Variants in YBX1 observed in about 807,000 individuals in gnomAD.
YBX1 encodes Y-box binding protein 1, also known as Y-box-binding protein 1.
YBX1 carries 3 observed loss-of-function variants against 41.4 expected under a neutral mutation model. The observed-to-expected ratio is 0.07, with a 90% CI of 0.03 to 0.19. YBX1 has a LOEUF of 0.19. Ranked by LOEUF, YBX1 falls within the 10% of genes least tolerant of loss-of-function variation. The pLI is 1.00. For synonymous variants in YBX1, 133 were observed against 165.8 expected (o/e 0.80, Z 1.52); for missense variants, 274 against 462.8 (o/e 0.59, Z 3.74).
At chr1:42,691,358 G>T (rs1650322740) in intron 2 of YBX1, among the ~76,000 whole-genome samples, 1 of 152,178 alleles carries the variant, frequency 6.6e-6, no homozygotes, top group African/African-American at 2.4e-5. Context: ...TGGCAGCCTT[G>T]TGCTTTCTCT....
intron 2 of YBX1, among the ~76,000 whole-genome samples, chr1:42,684,721 A>G (rs543840438): frequency 1.9e-4 from 29 of 152,294 alleles, no homozygotes; most frequent in African/African-American, 6.0e-4. Context: ...TACGTTTTTC[A>G]TTAATTTTTT....
intron 3 of YBX1, 87 bp downstream of exon 3, chr1:42,693,610 A>G: frequency 6.8e-7 from 1 of 1,467,194 alleles, no homozygotes; most frequent in Non-Finnish European, 9.4e-7. Context: ...TGTTCCTTAT[A>G]AAAGGTTAAG....
intron 2 of YBX1, among the ~76,000 whole-genome samples, chr1:42,691,844 AT>A (rs763665048): frequency 3.3e-5 from 5 of 151,960 alleles, no homozygotes; most frequent in Non-Finnish European, 5.9e-5. Context: ...AGTGCTCCCT[AT>A]CTTTGGAAAA....
intron 6 of YBX1, 137 bp downstream of exon 6, chr1:42,697,399 A>C (rs1365877981): frequency 1.3e-6 from 1 of 794,982 alleles, no homozygotes; most frequent in African/African-American, 1.8e-5. Context: ...TAAGAGGTGA[A>C]CCTATTAAAA....
rs558721192 is a variant in YBX1 at position 42,682,873 on chromosome 1, C to G, written c.166+142C>G. ...CGGCCGCCCATCCCCCCCGTCCCCC[C>G]CTCACTCCCTCTCGCGGGGACCCGC... On this transcript the variant is annotated intron_variant, in intron 1 of 7. Transcript: ENST00000321358. 220 of 347,900 alleles carry G rather than the reference C, an allele frequency of 6.3e-4. 1 individual carries two copies. Among genetic ancestry groups the G allele is most frequent in the African/African-American group, 4.5e-3 (204 of 45,454 alleles). The allele number at this position is 347,900 out of a possible 1,614,324, so 21.6% of individuals were successfully genotyped here. A position where few individuals can be genotyped will look rare whatever the true frequency, so the allele number is the denominator to read the frequency against.
At chr1:42,683,084 G>T (rs780533109) in intron 1 of YBX1, 1 of 525,278 alleles carries the variant, frequency 1.9e-6, no homozygotes, top group Non-Finnish European at 3.6e-6. Context: ...CCTTCCGCGT[G>T]TGCTCGGAGG....
Position 42,682,461 on chromosome 1 carries a change from C to T in YBX1, c.-105C>T, listed in dbSNP as rs536813619. 313 of 1,254,870 alleles carry T rather than the reference C, an allele frequency of 2.5e-4. No individual in the cohort carries two copies. Among genetic ancestry groups the T allele is most frequent in the East Asian group, 1.5e-3 (45 of 30,478 alleles). The allele number at this position is 1,254,870 out of a possible 1,614,324, so 77.7% of individuals were successfully genotyped here. A position where few individuals can be genotyped will look rare whatever the true frequency, so the allele number is the denominator to read the frequency against. ...GGTAGCGGGAGCGGAGAGCGGACCC[C>T]AGAGAGCCCTGAGCAGCCCCACCGC... is the stretch of plus-strand genomic sequence containing the variant. On this transcript the variant is annotated 5_prime_UTR_variant, in exon 1 of 8. Coordinates refer to ENST00000321358, the MANE Select transcript of YBX1 (RefSeq NM_004559.5).
Position 42,682,524 on chromosome 1 carries a change from C to T in YBX1, c.-42C>T. On this transcript the variant is annotated 5_prime_UTR_variant, in exon 1 of 8. Coordinates refer to ENST00000321358, the MANE Select transcript of YBX1 (RefSeq NM_004559.5). ...AGTTACCATCACACCCCGGGAGGAG[C>T]CGCAGCTGCCGCAGCCGGCCCCAGT... The T allele has an allele frequency of 2.1e-6, 3 of 1,428,112 alleles. No individual in the cohort carries two copies. Among genetic ancestry groups the T allele is most frequent in the Non-Finnish European group, 2.7e-6 (3 of 1,094,990 alleles). 88.5% of individuals were successfully genotyped at this position (1,428,112 alleles called of 1,614,324 possible).
At position 42,682,421 on chromosome 1, in the gene YBX1, C is replaced by G. The variant is rs1473106039; in HGVS notation, c.-145C>G. 2 of 1,064,096 alleles carry G rather than the reference C, an allele frequency of 1.9e-6. No individual in the cohort carries two copies. The highest frequency in any genetic ancestry group is 4.9e-5 in the South Asian group (2 of 40,838). The allele number at this position is 1,064,096 out of a possible 1,614,324, so 65.9% of individuals were successfully genotyped here. The stretch of plus-strand genomic sequence containing the variant: ...GGCTTATCCCGCCTGTCCCGCCATT[C>G]TCGCTAGTTCGATCGGTAGCGGGAG... On this transcript the variant is annotated 5_prime_UTR_variant, in exon 1 of 8. Coordinates refer to ENST00000321358, the MANE Select transcript of YBX1 (RefSeq NM_004559.5).
At chr1:42,699,544 T>C (rs1021005702) in intron 6 of YBX1, among the ~76,000 whole-genome samples, 5 of 151,874 alleles carry the variant, frequency 3.3e-5, no homozygotes, top group African/African-American at 1.2e-4. Flanking sequence ...GACACTGGGG[T>C]AGGGATTGGT....
In YBX1 at chr1:42,696,510, C is replaced by CT. The variant is rs1650461100; in HGVS notation, c.355-132_355-131insT. 5.4e-6 allele frequency: 4 copies of CT among 741,350 alleles called. No individual in the cohort carries two copies. The highest frequency in any genetic ancestry group is 4.4e-5 in the African/African-American group (2 of 45,338). The allele number at this position is 741,350 out of a possible 1,614,324, so 45.9% of individuals were successfully genotyped here. ...CTGTGCACCCCTGGTCACGCAGTTG[C>CT]GCCCCCCCCCCCTTTTTTTTCCTTA... On this transcript the variant is annotated intron_variant, in intron 4 of 7. Coordinates refer to ENST00000321358, the MANE Select transcript of YBX1 (RefSeq NM_004559.5). This position sits in a 1 kb window ranked among gnomAD's most constrained non-coding sequence, Gnocchi z 5.7.
Position 42,682,725 on chromosome 1 carries a change from G to A in YBX1, c.160G>A (p.Val54Ile), listed in dbSNP as rs866379495. Residue 54 changes from valine (V) to isoleucine (I), a missense_variant, in exon 1 of 8, where the codon GTC becomes ATC. Val to Ile is a conservative substitution (Grantham distance 29, BLOSUM62 3). Transcript: ENST00000321358. ...GGCGCCTGCCGGCGGGGACAAGAAGGTCATCGGTGAGGACCGGACAGGGAC... is the reference window on the plus strand; with the variant it reads ...GGCGCCTGCCGGCGGGGACAAGAAGATCATCGGTGAGGACCGGACAGGGAC... ...SAAPAGGDKKVIATKVLGTVK... is the reference protein window; with the variant it reads ...SAAPAGGDKKIIATKVLGTVK... 1.6e-6 allele frequency: 2 copies of A among 1,244,564 alleles called. No homozygotes were observed. Among genetic ancestry groups the A allele is most frequent in the South Asian group, 3.4e-5 (1 of 29,556 alleles). The allele number at this position is 1,244,564 out of a possible 1,614,324, so 77.1% of individuals were successfully genotyped here.
At chr1:42,695,617 G>A (rs1570421840) in intron 3 of YBX1, among the ~76,000 whole-genome samples, 1 of 152,220 alleles carries the variant, frequency 6.6e-6, no homozygotes, top group African/African-American at 2.4e-5. Flanking sequence ...TTCTGGGGAG[G>A]TGATAACTAA....
At chr1:42,691,808 C>T (rs181889411) in intron 2 of YBX1, among the ~76,000 whole-genome samples, 2 of 152,188 alleles carry the variant, frequency 1.3e-5, no homozygotes, top group East Asian at 3.9e-4. Context: ...TAGCAACTAA[C>T]ACCCACCACT....
chr1:42,686,368 C>T (rs1650197318), intron 2 of YBX1, among the ~76,000 whole-genome samples: 2 of 152,150 alleles, frequency 1.3e-5, no homozygotes, highest in South Asian at 4.1e-4. Context: ...GGAGATAACA[C>T]CAAGTAATCC....
At chr1:42,693,394 C>G in intron 2 of YBX1, 96 bp from the exon 3 acceptor site, 1 of 1,436,438 alleles carries the variant, frequency 7.0e-7, no homozygotes. Context: ...TTCCTGGTAC[C>G]TAATTGGCAG....
rs1376587673 is a variant in YBX1 at position 42,701,059 on chromosome 1, G to C, written c.*31+13G>C. The C allele has an allele frequency of 2.5e-6, 4 of 1,601,044 alleles. No individual in the cohort carries two copies. The highest frequency in any genetic ancestry group is 1.1e-5 in the South Asian group (1 of 90,598). Reference sequence around the variant, plus strand: ...TACCATCATCCGGGTAAGCAAGCTTGGATGGCCATCCATTTATGGCAGTCG... The same window carrying C: ...TACCATCATCCGGGTAAGCAAGCTTCGATGGCCATCCATTTATGGCAGTCG... On this transcript the variant is annotated intron_variant, in intron 7 of 7. Transcript: ENST00000321358.
In YBX1 at chr1:42,696,554, TTGTTTGAAAA is replaced by T; in HGVS notation, c.355-83_355-74del. 1.3e-6 allele frequency: 1 copy of T among 744,364 alleles called. No homozygotes were observed. Among genetic ancestry groups the T allele is most frequent in the Non-Finnish European group, 1.9e-6 (1 of 524,736 alleles). The allele number at this position is 744,364 out of a possible 1,614,324, so 46.1% of individuals were successfully genotyped here. A position where few individuals can be genotyped will look rare whatever the true frequency, so the allele number is the denominator to read the frequency against. On this transcript the variant is annotated intron_variant, in intron 4 of 7. Coordinates refer to ENST00000321358, the MANE Select transcript of YBX1 (RefSeq NM_004559.5). The surrounding 1 kb of genome is among the most constrained non-coding windows in gnomAD (Gnocchi z 5.7). ...TTCCTTAACTTTGTTGTTTTTTGCT[TTGTTTGAAAA>T]TGTTCTGATTTCCTTTTGAAAGTGT...
At chr1:42,683,012 C>G (rs1435288862) in intron 1 of YBX1, 1 of 277,106 alleles carries the variant, frequency 3.6e-6, no homozygotes, top group Admixed American at 4.2e-5. Flanking sequence ...GTCCCCTCCC[C>G]GCCGACCGGC....
Sources: allele counts gnomAD v4.1 joint callset (sites outside exome capture counted in the v4.1 genomes callset), GRCh38; gene constraint gnomAD v4.1.1; non-coding constraint Gnocchi (gnomAD v3.1); transcripts MANE v1.5; gene names NCBI Gene and HGNC (gene_info 2026-07-23, HGNC 2026-07-21).